NTRK2: variants seen among roughly 807,000 people sequenced by gnomAD.
NTRK2 encodes the protein BDNF/NT-3 growth factors receptor.
In NTRK2, 13 loss-of-function variants were observed where a neutral mutation model predicts 94.5. The ratio of observed to expected loss-of-function variants is 0.14; its 90% CI spans 0.09 to 0.22. NTRK2 has a LOEUF of 0.22. Among genes scored for constraint, NTRK2 ranks in the 10% least tolerant of loss-of-function variants. The probability of loss-of-function intolerance (pLI) is 1.00; values close to 1 mark genes in which losing one functional copy is unlikely to be tolerated. For synonymous variants in NTRK2, 372 were observed against 407.4 expected (o/e 0.91, Z 1.05); for missense variants, 639 against 1,071.2 (o/e 0.60, Z 5.63).
At chr9:84,865,395 G>T (rs1166698751) in intron 13 of NTRK2, among the ~76,000 whole-genome samples, 1 of 152,120 alleles carries the variant, frequency 6.6e-6, no homozygotes, top group Non-Finnish European at 1.5e-5. Context: ...GTTTGTTTAA[G>T]ACACTGCTTA....
intron 17 of NTRK2, among the ~76,000 whole-genome samples, chr9:85,000,997 T>G (rs1055031084): frequency 2.0e-5 from 3 of 152,226 alleles, no homozygotes; most frequent in African/African-American, 7.2e-5. Context: ...ATTACAGCAT[T>G]TTGGGGGCCA....
intron 14 of NTRK2, among the ~76,000 whole-genome samples, chr9:84,933,316 A>T (rs1587975593): frequency 6.6e-6 from 1 of 152,084 alleles, no homozygotes; most frequent in South Asian, 2.1e-4. Context: ...GTCCTCCATG[A>T]CCTCTGTCCT....
At chr9:84,692,697 C>G (rs994249693) in intron 2 of NTRK2, among the ~76,000 whole-genome samples, 1 of 151,954 alleles carries the variant, frequency 6.6e-6, no homozygotes, top group Non-Finnish European at 1.5e-5. Flanking sequence ...GAACTCCTGA[C>G]CTCGGGTGAT....
Position 84,962,141 on chromosome 9 carries a change from A to AT in NTRK2, c.2172+6626dup, listed in dbSNP as rs766143537. ...TCTACACTGGAAAATGACATATTAG[A>AT]TTGCATTCTGATATGTCATATGGTC... On this transcript the variant is annotated intron_variant, in intron 17 of 18. Transcript: ENST00000277120. Among the ~76,000 whole-genome samples the AT allele has an allele frequency of 7.3e-4, 111 of 152,254 alleles. 1 individual carries two copies. Among genetic ancestry groups the AT allele is most frequent in the Non-Finnish European group, 1.2e-3 (84 of 68,020 alleles).
At chr9:84,969,346 TA>T (rs1214896753) in intron 17 of NTRK2, among the ~76,000 whole-genome samples, 10 of 152,234 alleles carry the variant, frequency 6.6e-5, no homozygotes, top group Non-Finnish European at 1.0e-4. Context: ...ACACTTGTGT[TA>T]AAGGAAAAGT....
At chr9:84,758,687 G>A (rs1395687523) in intron 12 of NTRK2, among the ~76,000 whole-genome samples, 4 of 152,022 alleles carry the variant, frequency 2.6e-5, no homozygotes, top group East Asian at 1.9e-4. Context: ...CACCGCACCC[G>A]GCCTTTTTGT....
chr9:84,872,253 A>C (rs2075893178), intron 14 of NTRK2: 5 of 1,126,442 alleles, frequency 4.4e-6, no homozygotes, highest in Non-Finnish European at 5.5e-6. Context: ...ACTGCTGAGA[A>C]ACTTTTTGAC....
At chr9:84,877,183 T>C (rs2076097871) in intron 14 of NTRK2, 1 of 1,065,034 alleles carries the variant, frequency 9.4e-7, no homozygotes, top group South Asian at 4.5e-5. Flanking sequence ...AAGTGGATCT[T>C]AGCCAGATTT....
chr9:84,828,516 C>T (rs930488654), intron 12 of NTRK2, among the ~76,000 whole-genome samples: 1 of 152,120 alleles, frequency 6.6e-6, no homozygotes, highest in Non-Finnish European at 1.5e-5. Context: ...ATTCTCTCCC[C>T]CTACCCCCAG....
chr9:84,682,775 A>G (rs1367087470), intron 2 of NTRK2, among the ~76,000 whole-genome samples: 2 of 152,222 alleles, frequency 1.3e-5, no homozygotes, highest in African/African-American at 2.4e-5. Context: ...AGGGCATGCT[A>G]TACCCCCTCT....
intron 14 of NTRK2, among the ~76,000 whole-genome samples, chr9:84,926,914 A>T (rs1326968399): frequency 6.6e-6 from 1 of 152,228 alleles, no homozygotes; most frequent in African/African-American, 2.4e-5. Flanking sequence ...GGGTGAAGAT[A>T]GCTTTTGTGT....
chr9:84,797,653 A>ATATATAT (rs767956060), intron 12 of NTRK2, among the ~76,000 whole-genome samples: 6 of 45,204 alleles, frequency 1.3e-4, no homozygotes, highest in South Asian at 9.5e-4. Flanking sequence ...CTATAATAAT[A>ATATATAT]TATATATTAT....
intron 13 of NTRK2, 76 bp downstream of exon 13, chr9:84,861,163 T>C: frequency 9.2e-7 from 1 of 1,088,372 alleles, no homozygotes; most frequent in Non-Finnish European, 1.4e-6. Context: ...GCTTAGACCC[T>C]CTTTACATTC....
In NTRK2 at chr9:84,964,919, T is replaced by C. The variant is rs190518765; in HGVS notation, c.2172+9402T>C. ...GCTGCAGCATGGCAAACAAGTTCTC[T>C]CATCGCTTTAAGACAGTTACTTCCT... On this transcript the variant is annotated intron_variant, in intron 17 of 18. Transcript: ENST00000277120. Among the ~76,000 whole-genome samples, 125 of 152,374 alleles carry C rather than the reference T, an allele frequency of 8.2e-4. 1 individual carries two copies. The highest frequency in any genetic ancestry group is 1.4e-3 in the Non-Finnish European group (96 of 68,030).
At chr9:84,768,845 G>C (rs542466449) in intron 12 of NTRK2, among the ~76,000 whole-genome samples, 2 of 152,232 alleles carry the variant, frequency 1.3e-5, no homozygotes, top group Non-Finnish European at 2.9e-5. Context: ...AACATCAGGG[G>C]TAAGGGGGGA....
At chr9:84,983,307 G>A (rs543921261) in intron 17 of NTRK2, among the ~76,000 whole-genome samples, 1 of 152,210 alleles carries the variant, frequency 6.6e-6, no homozygotes, top group East Asian at 1.9e-4. Flanking sequence ...TCTGTCCTGT[G>A]GTCAGCACCA....
At chr9:84,989,248 T>C (rs533452818) in intron 17 of NTRK2, among the ~76,000 whole-genome samples, 2 of 152,338 alleles carry the variant, frequency 1.3e-5, no homozygotes, top group African/African-American at 4.8e-5. Context: ...CACTAAATAC[T>C]TCTCTGAAAA....
chr9:84,816,293 G>A (rs1189764976), intron 12 of NTRK2, among the ~76,000 whole-genome samples: 1 of 152,062 alleles, frequency 6.6e-6, no homozygotes, highest in East Asian at 1.9e-4. Flanking sequence ...CATGGTTCCT[G>A]CCCCATTTTT....
chr9:84,795,075 G>T (rs985368046), intron 12 of NTRK2, among the ~76,000 whole-genome samples: 1 of 152,108 alleles, frequency 6.6e-6, no homozygotes, highest in Non-Finnish European at 1.5e-5. Context: ...TCATGTAGTC[G>T]TTTCCAGGTG....
Sources: gnomAD v4.1 joint callset for allele counts (sites outside exome capture counted in the v4.1 genomes callset) on GRCh38, gnomAD v4.1.1 for gene constraint, MANE v1.5 for transcripts, NCBI Gene and HGNC (gene_info 2026-07-23, HGNC 2026-07-21) for gene names.